PLEKHA7: variants seen among roughly 807,000 people sequenced by gnomAD.
The protein encoded by PLEKHA7 is pleckstrin homology domain containing A7.
PLEKHA7 carries 104 observed loss-of-function variants against 170.0 expected under a neutral mutation model. The ratio of observed to expected loss-of-function variants is 0.61; its 90% confidence interval spans 0.52 to 0.72. PLEKHA7 has a LOEUF of 0.72. Among genes scored for constraint, PLEKHA7 ranks in the 30% least tolerant of loss-of-function variants. The pLI, the probability that PLEKHA7 is intolerant of heterozygous loss-of-function variation, is 0.00. For synonymous variants in PLEKHA7, 648 were observed against 660.8 expected (o/e 0.98, Z 0.30); for missense variants, 1,615 against 1,671.7 (o/e 0.97, Z 0.59).
chr11:16,784,313 A>G (rs2134141136), intron 24 of PLEKHA7, among the ~76,000 whole-genome samples: 1 of 151,962 alleles, frequency 6.6e-6, no homozygotes, highest in East Asian at 1.9e-4. Flanking sequence ...CCACCCCCTC[A>G]CTTTCCATTC....
chr11:16,905,370 T>C (rs797007779), intron 3 of PLEKHA7, among the ~76,000 whole-genome samples: 3 of 152,338 alleles, frequency 2.0e-5, no homozygotes, highest in African/African-American at 7.2e-5. Flanking sequence ...CTTTGTCTAT[T>C]ATCCCATTTT....
chr11:16,873,679 T>A (rs780056918), intron 3 of PLEKHA7, among the ~76,000 whole-genome samples: 1 of 152,200 alleles, frequency 6.6e-6, no homozygotes, highest in Non-Finnish European at 1.5e-5. Flanking sequence ...TTTCCTTTTT[T>A]CTTTTGAGAT....
intron 3 of PLEKHA7, among the ~76,000 whole-genome samples, chr11:16,936,601 G>T (rs1860323991): frequency 6.6e-6 from 1 of 152,070 alleles, no homozygotes; most frequent in Non-Finnish European, 1.5e-5. Context: ...CCCGAATCAT[G>T]CCTCTTCTCT....
At chr11:16,916,282 C>T (rs912810137) in intron 3 of PLEKHA7, among the ~76,000 whole-genome samples, 3 of 152,160 alleles carry the variant, frequency 2.0e-5, no homozygotes, top group South Asian at 2.1e-4. Context: ...GAGTAGGTTG[C>T]GAAAATTTTC....
intron 15 of PLEKHA7, among the ~76,000 whole-genome samples, chr11:16,802,150 T>G (rs1402537186): frequency 6.6e-6 from 1 of 152,172 alleles, no homozygotes; most frequent in Non-Finnish European, 1.5e-5. Context: ...CTCTTTAGCC[T>G]CCTAGGGAAA....
chr11:17,014,218 G>C lies in PLEKHA7; in HGVS notation c.87-17C>G, dbSNP rs769912118. The C allele has an allele frequency of 5.3e-6, 8 of 1,516,372 alleles. No individual in the cohort carries two copies. Among genetic ancestry groups the C allele is most frequent in the African/African-American group, 1.4e-5 (1 of 69,306 alleles). 93.9% of individuals were successfully genotyped at this position (1,516,372 alleles called of 1,614,324 possible). ...AGCTGGTCACTGCGGGCAGAGAGGT[G>C]CACCTGTTAGCGCCGCCACAGCCCG... On this transcript the variant is annotated splice_polypyrimidine_tract_variant and intron_variant, in intron 1 of 26. Coordinates refer to ENST00000531066, the MANE Select transcript of PLEKHA7 (RefSeq NM_001329630.2).
intron 3 of PLEKHA7, among the ~76,000 whole-genome samples, chr11:16,931,621 G>A (rs1409065870): frequency 6.6e-6 from 1 of 151,928 alleles, no homozygotes; most frequent in East Asian, 1.9e-4. Context: ...AAACTTAGCT[G>A]GGCATGGTGG....
intron 4 of PLEKHA7, among the ~76,000 whole-genome samples, chr11:16,859,901 T>C (rs1853801717): frequency 6.6e-6 from 1 of 152,242 alleles, no homozygotes; most frequent in Admixed American, 6.5e-5. Context: ...TGTCCTCAAA[T>C]AAAACCTATT....
chr11:16,998,525 G>A (rs1318414683), intron 3 of PLEKHA7, among the ~76,000 whole-genome samples: 1 of 152,188 alleles, frequency 6.6e-6, no homozygotes, highest in Admixed American at 6.5e-5. Context: ...AGAACAGGAA[G>A]CCAATTACTT....
intron 16 of PLEKHA7, 90 bp from the exon 17 acceptor site, chr11:16,801,165 C>A (rs539688182): frequency 2.8e-5 from 31 of 1,124,154 alleles, no homozygotes; most frequent in Non-Finnish European, 2.7e-5. Context: ...CCATGCTGAC[C>A]CAGCCAGGGG....
At chr11:16,854,659 G>A (rs1050874889) in intron 6 of PLEKHA7, among the ~76,000 whole-genome samples, 2 of 152,216 alleles carry the variant, frequency 1.3e-5, no homozygotes, top group African/African-American at 4.8e-5. Context: ...AGCACCAGGG[G>A]CCAAAGTGGT....
intron 9 of PLEKHA7, among the ~76,000 whole-genome samples, chr11:16,833,161 C>A (rs1444010790): frequency 6.6e-6 from 1 of 152,320 alleles, no homozygotes; most frequent in East Asian, 1.9e-4. Context: ...TGCTACTTTT[C>A]ATGCTGTGCT....
intron 3 of PLEKHA7, among the ~76,000 whole-genome samples, chr11:16,990,715 C>T (rs928514637): frequency 1.3e-5 from 2 of 152,170 alleles, no homozygotes; most frequent in African/African-American, 2.4e-5. Context: ...AATACTCGTA[C>T]TACCTAAGCA....
At chr11:17,003,707 T>C (rs1286032128) in intron 3 of PLEKHA7, among the ~76,000 whole-genome samples, 1 of 152,174 alleles carries the variant, frequency 6.6e-6, no homozygotes, top group African/African-American at 2.4e-5. Context: ...GGATACCGTC[T>C]CTTTACACAT....
chr11:16,910,899 G>A (rs1170197476), intron 3 of PLEKHA7, among the ~76,000 whole-genome samples: 1 of 152,192 alleles, frequency 6.6e-6, no homozygotes, highest in Non-Finnish European at 1.5e-5. Context: ...TTCCAGGCTT[G>A]GCTCCAGCTG....
At chr11:16,885,875 T>C (rs927079335) in intron 3 of PLEKHA7, among the ~76,000 whole-genome samples, 2 of 151,844 alleles carry the variant, frequency 1.3e-5, no homozygotes, top group Non-Finnish European at 2.9e-5. Context: ...CGCATGCCTG[T>C]AGTCCCAGCC....
intron 4 of PLEKHA7, among the ~76,000 whole-genome samples, chr11:16,856,851 C>T (rs962586084): frequency 5.9e-5 from 9 of 152,190 alleles, no homozygotes; most frequent in African/African-American, 1.9e-4. Flanking sequence ...GAAGTCTCCA[C>T]GCTCTGTCCA....
At chr11:16,835,454 T>G (rs904550349) in intron 9 of PLEKHA7, among the ~76,000 whole-genome samples, 3 of 151,970 alleles carry the variant, frequency 2.0e-5, no homozygotes, top group African/African-American at 7.3e-5. Flanking sequence ...GAGAAGAGAG[T>G]GCAGTTTGTC....
chr11:16,832,253 G>T (rs1277654031), intron 9 of PLEKHA7, among the ~76,000 whole-genome samples: 1 of 152,122 alleles, frequency 6.6e-6, no homozygotes, highest in Non-Finnish European at 1.5e-5. Context: ...AATCCAATTT[G>T]ATTATGCCAC....
Sources: gnomAD v4.1 joint callset for allele counts (sites outside exome capture counted in the v4.1 genomes callset) on GRCh38, gnomAD v4.1.1 for gene constraint, MANE v1.5 for transcripts, NCBI Gene and HGNC (gene_info 2026-07-23, HGNC 2026-07-21) for gene names.